The following ERBB4 variants were observed in gnomAD, a reference collection of about 807,000 sequenced individuals.
ERBB4 encodes the protein receptor tyrosine-protein kinase erbB-4.
In ERBB4, 42 loss-of-function variants were observed where a neutral mutation model predicts 158.0. The ratio of observed to expected loss-of-function variants is 0.27; its 90% CI spans 0.21 to 0.34. The LOEUF is 0.34. Ranked by LOEUF, ERBB4 falls within the 10% of genes least tolerant of loss-of-function variation. The pLI is 1.00. For missense variants in ERBB4, 1,333 were observed against 1,624.1 expected, an observed-to-expected ratio of 0.82 and a Z score of 3.08; for synonymous variants, 583 against 558.7, an observed-to-expected ratio of 1.04 and a Z score of -0.61.
chr2:212,202,462 T>C (rs1442186618), intron 1 of ERBB4, among the ~76,000 whole-genome samples: 1 of 152,010 alleles, frequency 6.6e-6, no homozygotes, highest in Non-Finnish European at 1.5e-5. Context: ...GATCCTCCTG[T>C]CTCAGCCTCC....
intron 12 of ERBB4, among the ~76,000 whole-genome samples, chr2:211,701,575 C>T (rs1338460086): frequency 4.0e-5 from 6 of 151,520 alleles, no homozygotes; most frequent in East Asian, 2.0e-4. Flanking sequence ...GCTAACACAG[C>T]GAAACCCCAT....
intron 16 of ERBB4, among the ~76,000 whole-genome samples, chr2:211,650,654 A>T (rs1240965508): frequency 6.6e-6 from 1 of 152,132 alleles, no homozygotes; most frequent in Non-Finnish European, 1.5e-5. Flanking sequence ...ATATTAAATC[A>T]AAGTTTCATG....
chr2:211,942,605 T>C (rs2080535278), intron 3 of ERBB4, among the ~76,000 whole-genome samples: 1 of 152,128 alleles, frequency 6.6e-6, no homozygotes, highest in Non-Finnish European at 1.5e-5. Context: ...AACTTCGGTA[T>C]TCTACTTTTT....
chr2:211,784,178 T>G (rs575620670), intron 4 of ERBB4, among the ~76,000 whole-genome samples: 22 of 152,344 alleles, frequency 1.4e-4, no homozygotes, highest in African/African-American at 5.1e-4. Flanking sequence ...TATATTCACA[T>G]TGTTTTCCAA....
At chr2:212,233,033 A>C (rs79231412) in intron 1 of ERBB4, among the ~76,000 whole-genome samples, 6,251 of 152,260 alleles carry the variant, frequency 0.041, 399 homozygotes, top group African/African-American at 0.14. Context: ...GTCCACAAAT[A>C]TTATAAGAGA....
intron 20 of ERBB4, among the ~76,000 whole-genome samples, chr2:211,465,847 A>G (rs2064671152): frequency 6.6e-6 from 1 of 152,080 alleles, no homozygotes; most frequent in South Asian, 2.1e-4. Flanking sequence ...TCCAAATGGG[A>G]GCAAATCCCC....
intron 3 of ERBB4, among the ~76,000 whole-genome samples, chr2:211,796,369 G>C (rs180796632): frequency 1.0e-3 from 159 of 151,994 alleles, no homozygotes; most frequent in Middle Eastern, 0.01. Context: ...GCATTGATGG[G>C]CATTTGGATA....
chr2:211,671,135 C>A (rs569194618), intron 14 of ERBB4, among the ~76,000 whole-genome samples: 1 of 151,876 alleles, frequency 6.6e-6, no homozygotes, highest in Admixed American at 6.6e-5. Flanking sequence ...GTCACAATTG[C>A]AAGAAAGGCC....
Position 211,528,100 on chromosome 2 carries a change from G to T in ERBB4, c.2487+33803C>A, listed in dbSNP as rs1048644565. Among the ~76,000 whole-genome samples the T allele has an allele frequency of 5.3e-5, 8 of 152,034 alleles. No individual in the cohort carries two copies. In the South Asian group the frequency reaches 1.7e-3, roughly 32 times the overall value. ...GAAAAACAGGAACCAATGATCTCTT[G>T]CCTGCAAGAAACACTCTTCACCTAT... On this transcript the variant is annotated intron_variant, in intron 20 of 27. Transcript: ENST00000342788.
chr2:212,197,214 A>T (rs57010163), intron 1 of ERBB4, among the ~76,000 whole-genome samples: 6,672 of 152,230 alleles, frequency 0.044, 415 homozygotes, highest in African/African-American at 0.14. Context: ...AACTGCTGGT[A>T]TTTAGAAACA....
At chr2:211,466,859 A>G (rs2064705196) in intron 20 of ERBB4, among the ~76,000 whole-genome samples, 1 of 152,084 alleles carries the variant, frequency 6.6e-6, no homozygotes, top group South Asian at 2.1e-4. Flanking sequence ...ATAAATGGTA[A>G]TATATCAGTT....
chr2:211,737,911 T>TCAGG (rs2074655608), intron 5 of ERBB4, among the ~76,000 whole-genome samples: 1 of 152,144 alleles, frequency 6.6e-6, no homozygotes. Flanking sequence ...ATTATACTAT[T>TCAGG]GTATGAATAT....
At chr2:211,518,395 T>C (rs80212482) in intron 20 of ERBB4, among the ~76,000 whole-genome samples, 2 of 14,862 alleles carry the variant, frequency 1.3e-4, no homozygotes, top group Admixed American at 6.4e-4. Flanking sequence ...GAAAAGAGTT[T>C]GTGTAATCCC....
chr2:211,781,565 A>G (rs1022674712), intron 4 of ERBB4, among the ~76,000 whole-genome samples: 1 of 152,212 alleles, frequency 6.6e-6, no homozygotes, highest in Non-Finnish European at 1.5e-5. Flanking sequence ...AGTTACTAAA[A>G]CACACTTAAA....
intron 1 of ERBB4, among the ~76,000 whole-genome samples, chr2:212,454,263 C>T (rs920670651): frequency 2.6e-5 from 4 of 152,140 alleles, no homozygotes; most frequent in African/African-American, 9.7e-5. Flanking sequence ...CTATAACTTA[C>T]TGTGGTGACG....
intron 3 of ERBB4, among the ~76,000 whole-genome samples, chr2:211,890,038 T>C (rs2078921242): frequency 1.1e-5 from 1 of 94,814 alleles, no homozygotes; most frequent in South Asian, 3.9e-4. Flanking sequence ...ACGTTCAGAT[T>C]CAGGAAATAC....
intron 5 of ERBB4, among the ~76,000 whole-genome samples, chr2:211,749,812 T>C (rs577011402): frequency 9.5e-4 from 145 of 152,352 alleles, no homozygotes; most frequent in African/African-American, 3.4e-3. Context: ...GTATCATCTA[T>C]GATAACAAAG....
intron 25 of ERBB4, among the ~76,000 whole-genome samples, chr2:211,401,862 A>G (rs2063050164): frequency 1.3e-5 from 2 of 151,846 alleles, no homozygotes; most frequent in African/African-American, 4.8e-5. Flanking sequence ...ATAAATAGCA[A>G]ACAAACAAAA....
chr2:212,353,142 GT>G (rs2089324141), intron 1 of ERBB4, among the ~76,000 whole-genome samples: 1 of 151,794 alleles, frequency 6.6e-6, no homozygotes, highest in East Asian at 1.9e-4. Flanking sequence ...GGGGATAATT[GT>G]TTTTGTTAGG....
Sources: gnomAD v4.1 joint callset for allele counts (sites outside exome capture counted in the v4.1 genomes callset) on GRCh38, gnomAD v4.1.1 for gene constraint, MANE v1.5 for transcripts, NCBI Gene and HGNC (gene_info 2026-07-23, HGNC 2026-07-21) for gene names.